The following DAPK2 variants were observed in gnomAD, a reference collection of about 807,000 sequenced individuals.
The protein encoded by DAPK2 is death-associated protein kinase 2.
A neutral mutation model predicts 44.1 loss-of-function variants in DAPK2; 35 were observed. The observed-to-expected ratio is 0.79, with a 90% CI of 0.61 to 1.05. The LOEUF (loss-of-function observed/expected upper bound fraction) is 1.05, where lower values mean the gene tolerates loss of function less well. DAPK2 is among the 50% of genes least tolerant of loss of function. The pLI is 0.00. For missense variants in DAPK2, 453 were observed against 483.2 expected, an observed-to-expected ratio of 0.94 and a Z score of 0.59; for synonymous variants, 174 against 182.6, an observed-to-expected ratio of 0.95 and a Z score of 0.38.
At chr15:63,913,281 G>A (rs2078843063) in intron 8 of DAPK2, among the ~76,000 whole-genome samples, 3 of 152,206 alleles carry the variant, frequency 2.0e-5, no homozygotes, top group Admixed American at 1.3e-4. Context: ...AGATAGTGAT[G>A]TGGTTACACA....
chr15:64,040,246 T>A, exon 1 of DAPK2: 1 of 1,613,922 alleles, frequency 6.2e-7, no homozygotes, highest in South Asian at 1.1e-5. Flanking sequence ...GGACTCCTCA[T>A]TGAGGCCTGG....
intron 1 of DAPK2, chr15:63,991,423 T>C: frequency 2.3e-6 from 1 of 438,322 alleles, no homozygotes; most frequent in Admixed American, 2.5e-5. Flanking sequence ...GCCCCTCGTT[T>C]CATGAGCCTG....
At chr15:63,962,322 C>T (rs990624062) in intron 3 of DAPK2, among the ~76,000 whole-genome samples, 11 of 151,916 alleles carry the variant, frequency 7.2e-5, no homozygotes, top group African/African-American at 2.4e-4. Context: ...TTGTTATTAC[C>T]GATCGTCTGA....
intron 3 of DAPK2, among the ~76,000 whole-genome samples, chr15:63,958,147 T>C (rs2077780174): frequency 1.3e-5 from 2 of 152,248 alleles, no homozygotes; most frequent in South Asian, 2.1e-4. Context: ...GCTGCATAAA[T>C]GTCTTCTTCT....
intron 1 of DAPK2, among the ~76,000 whole-genome samples, chr15:64,003,988 T>G (rs559232256): frequency 3.9e-5 from 6 of 152,212 alleles, no homozygotes; most frequent in African/African-American, 1.4e-4. Context: ...GTGCCTTAAC[T>G]TTTTTTTACA....
At chr15:63,975,478 G>C (rs912101219) in intron 2 of DAPK2, among the ~76,000 whole-genome samples, 4 of 152,160 alleles carry the variant, frequency 2.6e-5, no homozygotes, top group Non-Finnish European at 4.4e-5. Context: ...AGAAACAAAG[G>C]CTCAGAGAGG....
chr15:64,032,714 G>A (rs1451486617), intron 1 of DAPK2, among the ~76,000 whole-genome samples: 1 of 152,166 alleles, frequency 6.6e-6, no homozygotes, highest in African/African-American at 2.4e-5. Context: ...ACTTTGGGAG[G>A]CCAAAACAGG....
intron 3 of DAPK2, among the ~76,000 whole-genome samples, chr15:63,955,453 T>C (rs573221665): frequency 1.4e-4 from 21 of 152,314 alleles, no homozygotes; most frequent in Admixed American, 3.3e-4. Context: ...TTCTTTGATG[T>C]GTTTTTGTCT....
At chr15:64,036,326 TATATATATATAC>T (rs2080199904) in intron 1 of DAPK2, among the ~76,000 whole-genome samples, 1 of 109,692 alleles carries the variant, frequency 9.1e-6, no homozygotes, top group South Asian at 2.6e-4. Flanking sequence ...TATGTATATA[TATATATATATAC>T]ATATATATAT....
chr15:63,930,396 A>G lies in DAPK2; in HGVS notation c.632+11T>C. 2.5e-6 allele frequency: 4 copies of G among 1,614,188 alleles called. No individual in the cohort carries two copies. Among genetic ancestry groups the G allele is most frequent in the Non-Finnish European group, 3.4e-6 (4 of 1,179,978 alleles). On this transcript the variant is annotated intron_variant, in intron 5 of 10. Coordinates refer to ENST00000261891, the Ensembl canonical transcript of DAPK2. ...GATCGCTAGGTCACCTGAGTGGCCTATCCAACTTACCACATGTCAGCCTCC... is the reference window on the plus strand; with the variant it reads ...GATCGCTAGGTCACCTGAGTGGCCTGTCCAACTTACCACATGTCAGCCTCC...
At chr15:63,952,183 T>C (rs2077607606) in intron 3 of DAPK2, among the ~76,000 whole-genome samples, 1 of 152,032 alleles carries the variant, frequency 6.6e-6, no homozygotes, top group South Asian at 2.1e-4. Context: ...GAGGTTGCAG[T>C]GAACCGAGAT....
At chr15:63,959,623 T>C (rs993661904) in intron 3 of DAPK2, among the ~76,000 whole-genome samples, 126 of 152,362 alleles carry the variant, frequency 8.3e-4, no homozygotes, top group African/African-American at 2.4e-3. Context: ...CATGTGGTTT[T>C]CGTCTTTGGT....
chr15:64,027,092 A>T (rs1168460211), intron 1 of DAPK2, among the ~76,000 whole-genome samples: 2 of 152,062 alleles, frequency 1.3e-5, no homozygotes, highest in East Asian at 3.9e-4. Context: ...AAAAATATAA[A>T]ACATGAGGCC....
At chr15:63,991,321 A>G in intron 1 of DAPK2, 1 of 456,244 alleles carries the variant, frequency 2.2e-6, no homozygotes, top group Non-Finnish European at 4.4e-6. Flanking sequence ...GCAGGTGGAG[A>G]GTCTGGAACA....
In DAPK2 at chr15:63,950,291, T is replaced by C. The variant is rs773662359; in HGVS notation, c.454-10930A>G. 6.4e-4 allele frequency among the ~76,000 whole-genome samples: 97 copies of C among 152,192 alleles called. 1 individual carries two copies. Among genetic ancestry groups the C allele is most frequent in the Non-Finnish European group, 8.4e-4 (57 of 68,026 alleles). ...AGTGTGGTGGTGCGATCACAGCTCA[T>C]TGCAGCCTCAACTTCCTGGGCTCAA... On this transcript the variant is annotated intron_variant, in intron 3 of 10. Coordinates refer to ENST00000261891, the Ensembl canonical transcript of DAPK2.
chr15:63,969,673 C>T (rs916231098), intron 3 of DAPK2, among the ~76,000 whole-genome samples: 3 of 151,404 alleles, frequency 2.0e-5, no homozygotes, highest in African/African-American at 7.3e-5. Context: ...CCCAGGAAGT[C>T]GAGGCTGCAG....
intron 1 of DAPK2, among the ~76,000 whole-genome samples, chr15:64,001,165 C>T (rs2079075617): frequency 6.6e-6 from 1 of 151,464 alleles, no homozygotes; most frequent in Admixed American, 6.6e-5. Flanking sequence ...GCATGAGCCA[C>T]TGCACCCGGC....
At chr15:64,042,822 G>A (rs2141226738), upstream of DAPK2, among the ~76,000 whole-genome samples, 1 of 152,314 alleles carries the variant, frequency 6.6e-6, no homozygotes, top group Non-Finnish European at 1.5e-5. This position sits in a 1 kb window ranked among gnomAD's most constrained non-coding sequence, Gnocchi z 4.7. Flanking sequence ...CCTGGAGAGT[G>A]GGCATAACTA....
intron 2 of DAPK2, among the ~76,000 whole-genome samples, chr15:63,981,784 GC>G (rs1249978521): frequency 6.6e-6 from 1 of 152,164 alleles, no homozygotes; most frequent in East Asian, 1.9e-4. Context: ...TCTGGGTCAC[GC>G]AGGGCAGGCA....
Sources: allele counts gnomAD v4.1 joint callset (sites outside exome capture counted in the v4.1 genomes callset), GRCh38; gene constraint gnomAD v4.1.1; non-coding constraint Gnocchi (gnomAD v3.1); transcripts MANE v1.5; gene names NCBI Gene and HGNC (gene_info 2026-07-23, HGNC 2026-07-21).